The following ASAP1 variants were observed in gnomAD, a reference collection of about 807,000 sequenced individuals.
The protein encoded by ASAP1 is ArfGAP with SH3 domain, ankyrin repeat and PH domain 1.
A neutral mutation model predicts 145.2 loss-of-function variants in ASAP1; 43 were observed. That is an observed-to-expected ratio of 0.30 (90% CI 0.23 to 0.38). ASAP1 has a LOEUF of 0.38. Among genes scored for constraint, ASAP1 ranks in the 10% least tolerant of loss-of-function variants. ASAP1 has a pLI of 1.00. For missense variants in ASAP1, 1,018 were observed against 1,355.3 expected (o/e 0.75, Z 3.91); for synonymous variants, 546 against 515.5 (o/e 1.06, Z -0.80).
intron 1 of ASAP1, among the ~76,000 whole-genome samples, chr8:130,428,323 C>T (rs1328472111): frequency 7.0e-6 from 1 of 143,586 alleles, no homozygotes; most frequent in Admixed American, 7.2e-5. Flanking sequence ...CATGCCAGTG[C>T]TCGCTAAATT....
chr8:130,262,215 T>A (rs1819942378), intron 3 of ASAP1, among the ~76,000 whole-genome samples: 1 of 151,316 alleles, frequency 6.6e-6, no homozygotes, highest in Non-Finnish European at 1.5e-5. Context: ...GCCAAGATCA[T>A]GAAACCCTGT....
At chr8:130,085,414 G>A (rs1208187627) in intron 25 of ASAP1, among the ~76,000 whole-genome samples, 2 of 152,122 alleles carry the variant, frequency 1.3e-5, no homozygotes, top group Admixed American at 1.3e-4. Flanking sequence ...TAAAATATGT[G>A]TTAGTCTGTT....
At chr8:130,379,893 C>T (rs539078189) in intron 2 of ASAP1, among the ~76,000 whole-genome samples, 7 of 152,274 alleles carry the variant, frequency 4.6e-5, no homozygotes, top group Admixed American at 1.3e-4. Context: ...CCAGACACCA[C>T]GCCCTGAGCC....
At chr8:130,072,818 T>TGCGC (rs1564927913) in intron 27 of ASAP1, among the ~76,000 whole-genome samples, 1 of 26,226 alleles carries the variant, frequency 3.8e-5, no homozygotes, top group Middle Eastern at 0.025. Context: ...TGTGTGTGTG[T>TGCGC]GTGTGTGCGC....
chr8:130,061,126 A>G (rs930902844), intron 27 of ASAP1, 57 bp from the exon 28 acceptor site: 2 of 1,515,084 alleles, frequency 1.3e-6, no homozygotes, highest in African/African-American at 2.8e-5. Flanking sequence ...CTTTCCTGTC[A>G]GTCACCTAAA....
chr8:130,302,323 A>G (rs1319504378), intron 3 of ASAP1, among the ~76,000 whole-genome samples: 3 of 152,246 alleles, frequency 2.0e-5, no homozygotes, highest in Admixed American at 2.0e-4. Flanking sequence ...GAGTATGTCT[A>G]TGGTGTGTAC....
intron 26 of ASAP1, among the ~76,000 whole-genome samples, chr8:130,077,882 A>G (rs956762917): frequency 2.6e-5 from 4 of 152,124 alleles, no homozygotes; most frequent in Admixed American, 6.5e-5. Flanking sequence ...AACAGTAAAC[A>G]TGAGAGGGCT....
chr8:130,189,957 A>G (rs1191851911), intron 5 of ASAP1, among the ~76,000 whole-genome samples: 1 of 152,160 alleles, frequency 6.6e-6, no homozygotes, highest in Non-Finnish European at 1.5e-5. Flanking sequence ...TCTTCTTTTG[A>G]GAAATATATA....
At chr8:130,100,073 T>C (rs2097525997) in intron 24 of ASAP1, among the ~76,000 whole-genome samples, 1 of 152,182 alleles carries the variant, frequency 6.6e-6, no homozygotes, top group Non-Finnish European at 1.5e-5. Flanking sequence ...TTTTCAGTTT[T>C]GTGAGAAACC....
At chr8:130,195,721 A>T (rs1815439778) in intron 5 of ASAP1, among the ~76,000 whole-genome samples, 1 of 152,210 alleles carries the variant, frequency 6.6e-6, no homozygotes, top group African/African-American at 2.4e-5. Context: ...AAAGGGGCTT[A>T]AGGAAGCAAG....
intron 26 of ASAP1, among the ~76,000 whole-genome samples, chr8:130,079,545 T>A (rs375012618): frequency 1.3e-5 from 2 of 152,140 alleles, no homozygotes; most frequent in African/African-American, 4.8e-5. Flanking sequence ...AGGAGTCAAG[T>A]GGAAAAGTAA....
chr8:130,128,496 G>A (rs898767164), intron 15 of ASAP1, among the ~76,000 whole-genome samples: 1 of 152,140 alleles, frequency 6.6e-6, no homozygotes, highest in African/African-American at 2.4e-5. Flanking sequence ...GAGAAATGGA[G>A]AGGAGCCAGG....
At chr8:130,140,163 G>A (rs1256250433) in intron 13 of ASAP1, among the ~76,000 whole-genome samples, 1 of 151,152 alleles carries the variant, frequency 6.6e-6, no homozygotes, top group Non-Finnish European at 1.5e-5. Context: ...CTCCCAAGTA[G>A]CTGGGACTAT....
At chr8:130,062,201 C>G (rs746546268) in intron 27 of ASAP1, among the ~76,000 whole-genome samples, 27 of 152,218 alleles carry the variant, frequency 1.8e-4, no homozygotes, top group African/African-American at 6.3e-4. Context: ...AAGGACATAG[C>G]CTGCACTCAG....
intron 13 of ASAP1, among the ~76,000 whole-genome samples, chr8:130,148,746 CT>C (rs1238824621): frequency 3.3e-5 from 5 of 152,116 alleles, no homozygotes; most frequent in Admixed American, 3.3e-4. Flanking sequence ...TACTACAATA[CT>C]TTTAGTTAGA....
chr8:130,314,168 T>TC (rs1452165043), intron 3 of ASAP1, among the ~76,000 whole-genome samples: 1 of 152,062 alleles, frequency 6.6e-6, no homozygotes, highest in Non-Finnish European at 1.5e-5. Context: ...GTAAGCTTCC[T>TC]CCCCCCACTT....
At chr8:130,394,517 C>T (rs1276352373) in intron 2 of ASAP1, among the ~76,000 whole-genome samples, 2 of 152,182 alleles carry the variant, frequency 1.3e-5, no homozygotes, top group Non-Finnish European at 2.9e-5. Flanking sequence ...TCCTGTGGTC[C>T]TGTGATCTCA....
intron 12 of ASAP1, among the ~76,000 whole-genome samples, chr8:130,154,143 A>C (rs1368626676): frequency 6.6e-6 from 1 of 152,236 alleles, no homozygotes; most frequent in African/African-American, 2.4e-5. Context: ...TCAAGAATGC[A>C]TCATCATTTT....
intron 3 of ASAP1, among the ~76,000 whole-genome samples, chr8:130,320,385 A>G (rs1460406021): frequency 1.3e-5 from 2 of 152,038 alleles, no homozygotes; most frequent in African/African-American, 4.8e-5. Context: ...ACAAAACCCC[A>G]TCTCTATAAA....
Sources: gnomAD v4.1 joint callset for allele counts (sites outside exome capture counted in the v4.1 genomes callset) on GRCh38, gnomAD v4.1.1 for gene constraint, MANE v1.5 for transcripts, NCBI Gene and HGNC (gene_info 2026-07-23, HGNC 2026-07-21) for gene names.